LHFPL2: variants seen among roughly 807,000 people sequenced by gnomAD.
LHFPL2 encodes the protein LHFPL tetraspan subfamily member 2, also known as LHFPL tetraspan subfamily member 2 protein.
Under a neutral mutation model 17.5 loss-of-function variants are expected in LHFPL2, and 7 were observed. The observed-to-expected ratio is 0.40, with a 90% CI of 0.23 to 0.75. The LOEUF (loss-of-function observed/expected upper bound fraction) is 0.75, where lower values mean the gene tolerates loss of function less well. Ranked by LOEUF, LHFPL2 falls within the 30% of genes least tolerant of loss-of-function variation. The pLI is 0.37. For missense variants in LHFPL2, 241 were observed against 294.8 expected, an observed-to-expected ratio of 0.82 and a Z score of 1.34; for synonymous variants, 134 against 116.2, an observed-to-expected ratio of 1.15 and a Z score of -0.99.
At chr5:78,491,957 C>T (rs1259323930) in intron 4 of LHFPL2, among the ~76,000 whole-genome samples, 1 of 152,180 alleles carries the variant, frequency 6.6e-6, no homozygotes, top group African/African-American at 2.4e-5. Context: ...GAGGTTTGTT[C>T]AGCTGAGATC....
chr5:78,519,523 AT>A (rs1755386700), intron 3 of LHFPL2, among the ~76,000 whole-genome samples: 1 of 152,196 alleles, frequency 6.6e-6, no homozygotes, highest in Non-Finnish European at 1.5e-5. Flanking sequence ...CCATGTAAGA[AT>A]GATTCAGTCT....
chr5:78,639,079 G>GC (rs1310524892), intron 1 of LHFPL2, among the ~76,000 whole-genome samples: 2 of 152,144 alleles, frequency 1.3e-5, no homozygotes, highest in African/African-American at 4.8e-5. Context: ...AGTGGTTCTT[G>GC]CCTAACATGG....
At chr5:78,594,308 C>T (rs573397685) in intron 2 of LHFPL2, among the ~76,000 whole-genome samples, 9 of 152,300 alleles carry the variant, frequency 5.9e-5, no homozygotes, top group African/African-American at 1.7e-4. Flanking sequence ...AGACATCCTC[C>T]GACTCAACTT....
intron 2 of LHFPL2, among the ~76,000 whole-genome samples, chr5:78,596,569 A>G (rs1168594940): frequency 6.6e-6 from 1 of 152,166 alleles, no homozygotes; most frequent in Non-Finnish European, 1.5e-5. Flanking sequence ...TTCCTTGGCA[A>G]TCTTTGTGAC....
intron 3 of LHFPL2, among the ~76,000 whole-genome samples, chr5:78,537,235 G>C (rs1755976656): frequency 6.6e-6 from 1 of 152,174 alleles, no homozygotes; most frequent in African/African-American, 2.4e-5. Context: ...GAGGGGCCCA[G>C]CTGCCATAGC....
intron 2 of LHFPL2, among the ~76,000 whole-genome samples, chr5:78,583,377 T>A (rs1301471369): frequency 6.6e-6 from 1 of 152,018 alleles, no homozygotes; most frequent in Admixed American, 6.6e-5. Context: ...CTTCCTAGTC[T>A]CGATGGTCTT....
intron 3 of LHFPL2, among the ~76,000 whole-genome samples, chr5:78,531,169 A>T (rs1195968640): frequency 1.3e-5 from 2 of 151,980 alleles, no homozygotes; most frequent in Non-Finnish European, 2.9e-5. Flanking sequence ...TAATCCCAGC[A>T]CTTTGGGAGG....
chr5:78,496,607 G>A (rs1011663513), intron 4 of LHFPL2, among the ~76,000 whole-genome samples: 5 of 152,212 alleles, frequency 3.3e-5, no homozygotes, highest in Non-Finnish European at 7.3e-5. Context: ...CCCAAGGGCT[G>A]CCCTGCCACT....
intron 2 of LHFPL2, among the ~76,000 whole-genome samples, chr5:78,597,519 A>T (rs1743866842): frequency 6.6e-6 from 1 of 152,242 alleles, no homozygotes; most frequent in Non-Finnish European, 1.5e-5. Flanking sequence ...ACATGACGTA[A>T]GAGTTTGTGT....
At position 78,516,553 on chromosome 5, in the gene LHFPL2, G is replaced by C. The variant is rs555736501; in HGVS notation, c.-185-6155C>G. Among the ~76,000 whole-genome samples the C allele has an allele frequency of 4.6e-5, 7 of 152,286 alleles. No individual in the cohort carries two copies. In the South Asian group the frequency reaches 1.2e-3, roughly 27 times the overall value. On this transcript the variant is annotated intron_variant, in intron 3 of 4. Transcript: ENST00000380345. ...AGTATCGTCAATGTTGAGAAACCCT[G>C]CTCTGGGGGCTTCTCACAGAGGGCA...
At chr5:78,529,145 A>C (rs910836545) in intron 3 of LHFPL2, among the ~76,000 whole-genome samples, 3 of 151,928 alleles carry the variant, frequency 2.0e-5, no homozygotes, top group Non-Finnish European at 4.4e-5. Flanking sequence ...AATTAGCCAG[A>C]CATGGTGGCA....
At chr5:78,557,262 G>A (rs34797797) in intron 3 of LHFPL2, among the ~76,000 whole-genome samples, 55,090 of 151,824 alleles carry the variant, frequency 0.36, 10,975 homozygotes, top group Non-Finnish European at 0.47. Flanking sequence ...TTGCCCCAAT[G>A]ACTTTCTCTG....
chr5:78,592,316 T>C (rs537245545), intron 2 of LHFPL2, among the ~76,000 whole-genome samples: 30 of 152,270 alleles, frequency 2.0e-4, no homozygotes, highest in Non-Finnish European at 4.3e-4. Context: ...ATTTCAGAGG[T>C]AGCCTCTGCA....
At chr5:78,565,627 A>G (rs887512325) in intron 2 of LHFPL2, among the ~76,000 whole-genome samples, 1 of 152,224 alleles carries the variant, frequency 6.6e-6, no homozygotes, top group Admixed American at 6.5e-5. Context: ...TTTGTTGAAA[A>G]TCTGTCATGC....
intron 3 of LHFPL2, among the ~76,000 whole-genome samples, chr5:78,516,112 T>TA (rs1223736729): frequency 1.8e-4 from 28 of 151,524 alleles, no homozygotes; most frequent in Non-Finnish European, 2.5e-4. Flanking sequence ...TTGCATGACT[T>TA]AAAAAAAAAT....
intron 3 of LHFPL2, 50 bp from the exon 4 acceptor site, chr5:78,510,448 T>G: frequency 2.0e-6 from 1 of 504,220 alleles, no homozygotes. Context: ...CCGCCCCGCC[T>G]TCCCGCCGCG....
chr5:78,547,442 G>T (rs560077631), intron 3 of LHFPL2, among the ~76,000 whole-genome samples: 1 of 152,350 alleles, frequency 6.6e-6, no homozygotes, highest in South Asian at 2.1e-4. Flanking sequence ...CATGACGTCT[G>T]ATATCATTAC....
Position 78,510,262 on chromosome 5 carries a change from A to C in LHFPL2, c.-49T>G, listed in dbSNP as rs1312783454. 4 of 1,506,640 alleles carry C rather than the reference A, an allele frequency of 2.7e-6. No homozygotes were observed. In the South Asian group the frequency reaches 5.3e-5, roughly 20 times the overall value. 93.3% of individuals were successfully genotyped at this position (1,506,640 alleles called of 1,614,324 possible). On this transcript the variant is annotated 5_prime_UTR_variant, in exon 4 of 5. Coordinates refer to ENST00000380345, the MANE Select transcript of LHFPL2 (RefSeq NM_005779.3). ...AGTCAGGAGTCCACGGAGTTAATCA[A>C]AACAAGAAAGTCGGTGGGGAAGGAG...
At chr5:78,583,941 T>C (rs1197523485) in intron 2 of LHFPL2, among the ~76,000 whole-genome samples, 1 of 151,992 alleles carries the variant, frequency 6.6e-6, no homozygotes, top group African/African-American at 2.4e-5. Flanking sequence ...AGATTTGGTC[T>C]TTTCACATAG....
Sources: gnomAD v4.1 joint callset for allele counts (sites outside exome capture counted in the v4.1 genomes callset) on GRCh38, gnomAD v4.1.1 for gene constraint, MANE v1.5 for transcripts, NCBI Gene and HGNC (gene_info 2026-07-23, HGNC 2026-07-21) for gene names.